Variants in ZNF30 observed in about 807,000 individuals in gnomAD.
ZNF30 encodes zinc finger protein 30.
Under a neutral mutation model 13.2 loss-of-function variants are expected in ZNF30, and 15 were observed. The observed-to-expected ratio is 1.13, with a 90% CI of 0.76 to 1.75. ZNF30 has a LOEUF of 1.75. ZNF30 is among the 40% of genes most tolerant of loss of function. ZNF30 has a pLI of 0.00. For synonymous variants in ZNF30, 223 were observed against 256.6 expected, an observed-to-expected ratio of 0.87 and a Z score of 1.25; for missense variants, 726 against 757.0, an observed-to-expected ratio of 0.96 and a Z score of 0.48.
At chr19:34,931,562 G>A (rs1426432715) in intron 2 of ZNF30, among the ~76,000 whole-genome samples, 1 of 152,140 alleles carries the variant, frequency 6.6e-6, no homozygotes, top group Non-Finnish European at 1.5e-5. Flanking sequence ...TGGATACCTA[G>A]CAGGCCATAT....
rs1379006282 is a variant in ZNF30 at position 34,931,972 on chromosome 19, T to C, written c.139T>C (p.Tyr47His). ...GTACAGAGATGTGATGTTGGAGAACTACAGGAACTTGGTGTCAATGGGTAA... is the reference window on the plus strand; with the variant it reads ...GTACAGAGATGTGATGTTGGAGAACCACAGGAACTTGGTGTCAATGGGTAA... ...GLYRDVMLEN[Y>H]RNLVSMGHSR... The change falls in exon 3 of 5, where the codon TAC (tyrosine) becomes CAC (histidine). Residue 47 changes from tyrosine to histidine, a missense_variant. Transcript: ENST00000601142. 1 of 1,600,542 alleles carries C rather than the reference T, an allele frequency of 6.2e-7. No individual in the cohort carries two copies.
At chr19:34,928,220 A>AAAAAAATATATAT (rs1555778254) in intron 1 of ZNF30, among the ~76,000 whole-genome samples, 2 of 73,418 alleles carry the variant, frequency 2.7e-5, no homozygotes, top group Non-Finnish European at 5.1e-5. Flanking sequence ...AAAAAAAAAA[A>AAAAAAATATATAT]ATATATATAT....
chr19:34,930,232 A>G (rs1232577239), intron 2 of ZNF30, among the ~76,000 whole-genome samples: 1 of 152,222 alleles, frequency 6.6e-6, no homozygotes, highest in African/African-American at 2.4e-5. Flanking sequence ...GTCCCGTGGC[A>G]GAAGTATTTG....
At chr19:34,933,923 T>C (rs1281148936) in intron 4 of ZNF30, among the ~76,000 whole-genome samples, 200 bp downstream of exon 4, 1 of 152,224 alleles carries the variant, frequency 6.6e-6, no homozygotes, top group East Asian at 1.9e-4. Context: ...ATTTTAATAC[T>C]CACTCACCTC....
Position 34,944,098 on chromosome 19 carries a change from G to A in ZNF30, c.1132G>A (p.Gly378Arg), listed in dbSNP as rs776853902. Residue 378 changes from glycine (G) to arginine (R), a missense_variant, in exon 5 of 5, where the codon GGG becomes AGG. By Grantham distance (125) the Gly-to-Arg change is moderately radical (BLOSUM62 -2). Coordinates refer to ENST00000601142, the MANE Select transcript of ZNF30 (RefSeq NM_194325.3). ...EIKPYGCKEC[G>R]RTFSRASYLV... is the part of the protein sequence containing the mutation. The stretch of plus-strand genomic sequence containing the variant: ...AAAGCCCTACGGATGCAAGGAATGC[G>A]GGAGAACCTTCAGTCGTGCCTCATA... 5.3e-5 allele frequency: 85 copies of A among 1,613,514 alleles called. No individual in the cohort carries two copies. The highest frequency in any genetic ancestry group is 8.9e-5 in the East Asian group (4 of 44,874).
In ZNF30 at chr19:34,927,040, C is replaced by T. The variant is rs868016841; in HGVS notation, c.-241C>T. 10 of 398,484 alleles carry T rather than the reference C, an allele frequency of 2.5e-5. No homozygotes were observed. In the South Asian group the frequency reaches 8.9e-4, roughly 35 times the overall value. 24.7% of individuals were successfully genotyped at this position (398,484 alleles called of 1,614,324 possible). On this transcript the variant is annotated 5_prime_UTR_variant, in exon 1 of 5. Transcript: ENST00000601142. Reference sequence around the variant, plus strand: ...GGAACGACCTCAATCTCTGCCTCCTCGCCAGTTCATTGTGGTCGTTGACCC... The same window carrying T: ...GGAACGACCTCAATCTCTGCCTCCTTGCCAGTTCATTGTGGTCGTTGACCC...
At chr19:34,927,906 T>A (rs2012163974) in intron 1 of ZNF30, among the ~76,000 whole-genome samples, 1 of 152,102 alleles carries the variant, frequency 6.6e-6, no homozygotes, top group African/African-American at 2.4e-5. Flanking sequence ...ACGTTTTAAG[T>A]AAAAAGTGGA....
chr19:34,935,623 A>AT, intron 4 of ZNF30, among the ~76,000 whole-genome samples: 1 of 139,830 alleles, frequency 7.2e-6, no homozygotes, highest in East Asian at 2.2e-4. Context: ...TAGCTGTAGT[A>AT]TTTTGTCTTT....
Position 34,943,249 on chromosome 19 carries a change from G to A in ZNF30, c.283G>A (p.Gly95Ser), listed in dbSNP as rs750457803. 2.3e-5 allele frequency: 36 copies of A among 1,582,944 alleles called. No homozygotes were observed. Among genetic ancestry groups the A allele is most frequent in the South Asian group, 4.8e-5 (4 of 84,054 alleles). ...TTTGCAGTTGGAAGATGATACAATCGGCTGTAAAGAAATGCCCACCTCTGA... is the reference window on the plus strand; with the variant it reads ...TTTGCAGTTGGAAGATGATACAATCAGCTGTAAAGAAATGCCCACCTCTGA... Reference protein sequence around the residue: ...TDLQLEDDTIGCKEMPTSENC... With the variant: ...TDLQLEDDTISCKEMPTSENC... Residue 95 changes from glycine to serine, a missense_variant, in exon 5 of 5, where the codon GGC (glycine) becomes AGC (serine). Physicochemically the swap from Gly to Ser is moderately conservative, Grantham distance 56. Coordinates refer to ENST00000601142, the MANE Select transcript of ZNF30 (RefSeq NM_194325.3).
At chr19:34,926,785 C>T (rs1379730197), upstream of ZNF30, 3 of 395,758 alleles carry the variant, frequency 7.6e-6, no homozygotes, top group Non-Finnish European at 8.9e-6. Context: ...TACTTCGGGC[C>T]TCAGGTGTCA....
At chr19:34,939,146 C>A in intron 4 of ZNF30, among the ~76,000 whole-genome samples, 1 of 97,278 alleles carries the variant, frequency 1.0e-5, no homozygotes, top group African/African-American at 6.4e-5. Context: ...CCTCCCCTCC[C>A]CTCCCCTCCC....
chr19:34,931,559 C>G (rs2012454250), intron 2 of ZNF30, among the ~76,000 whole-genome samples: 2 of 152,114 alleles, frequency 1.3e-5, no homozygotes, highest in African/African-American at 2.4e-5. Flanking sequence ...CATTGGATAC[C>G]TAGCAGGCCA....
At chr19:34,936,162 A>G (rs2012727661) in intron 4 of ZNF30, among the ~76,000 whole-genome samples, 1 of 152,224 alleles carries the variant, frequency 6.6e-6, no homozygotes, top group South Asian at 2.1e-4. Flanking sequence ...GCCAAACCCT[A>G]TCAACCATCA....
chr19:34,935,244 T>A (rs756892215), intron 4 of ZNF30, among the ~76,000 whole-genome samples: 94 of 151,774 alleles, frequency 6.2e-4, no homozygotes, highest in Non-Finnish European at 1.0e-3. Flanking sequence ...AAAAAAAAAA[T>A]TTTTAAAAAC....
chr19:34,939,133 TCC>T (rs2012895330), intron 4 of ZNF30, among the ~76,000 whole-genome samples: 3 of 34,576 alleles, frequency 8.7e-5, no homozygotes, highest in South Asian at 1.7e-3. Context: ...TCCCCTCCCC[TCC>T]CCTCCCCTCC....
intron 3 of ZNF30, among the ~76,000 whole-genome samples, chr19:34,932,781 CT>C (rs201053147): frequency 0.079 from 10,751 of 135,320 alleles, 781 homozygotes; most frequent in African/African-American, 0.22. Flanking sequence ...GTCATACTTT[CT>C]TTTTTTTTTT....
intron 1 of ZNF30, among the ~76,000 whole-genome samples, chr19:34,928,208 T>TAAAAA (rs386388919): frequency 5.0e-4 from 35 of 70,548 alleles, no homozygotes; most frequent in Non-Finnish European, 6.7e-4. Context: ...ATCCCTTCTC[T>TAAAAA]AAAAAAAAAA....
In ZNF30 at chr19:34,943,904, A is replaced by T; in HGVS notation, c.938A>T (p.Glu313Val). 1 of 1,614,194 alleles carries T rather than the reference A, an allele frequency of 6.2e-7. No homozygotes were observed. Among genetic ancestry groups the T allele is most frequent in the South Asian group, 1.1e-5 (1 of 91,086 alleles). Residue 313 changes from glutamate to valine, a missense_variant, in exon 5 of 5, where the codon GAG (glutamate) becomes GTG (valine). Glu to Val is a moderately radical substitution (Grantham distance 121). Coordinates refer to ENST00000601142, the MANE Select transcript of ZNF30 (RefSeq NM_194325.3). ...AAGCATCAGAGAATTCATACTGGCG[A>T]GAAACCCTATGAATGTAAGGAGTGT... ...LAKHQRIHTG[E>V]KPYECKECGK... is the part of the protein sequence containing the mutation.
At chr19:34,937,276 A>G (rs2546004) in intron 4 of ZNF30, among the ~76,000 whole-genome samples, 64,659 of 151,794 alleles carry the variant, frequency 0.43, 15,398 homozygotes, top group African/African-American at 0.65. Context: ...GCCTCCCAAA[A>G]TGCAGGGATT....
Sources: allele counts gnomAD v4.1 joint callset (sites outside exome capture counted in the v4.1 genomes callset), GRCh38; gene constraint gnomAD v4.1.1; transcripts MANE v1.5; gene names NCBI Gene and HGNC (gene_info 2026-07-23, HGNC 2026-07-21).